MYLK: variants seen among roughly 807,000 people sequenced by gnomAD.
The protein encoded by MYLK is myosin light chain kinase.
Under a neutral mutation model 203.4 loss-of-function variants are expected in MYLK, and 106 were observed. The observed-to-expected ratio is 0.52, with a 90% CI of 0.45 to 0.61. The LOEUF is 0.61. Ranked by LOEUF, MYLK falls within the 20% of genes least tolerant of loss-of-function variation. The probability of loss-of-function intolerance (pLI) is 0.00; values close to 1 mark genes in which losing one functional copy is unlikely to be tolerated. For missense variants in MYLK, 2,072 were observed against 2,442.3 expected, an observed-to-expected ratio of 0.85 and a Z score of 3.20; for synonymous variants, 867 against 959.5, an observed-to-expected ratio of 0.90 and a Z score of 1.78.
chr3:123,651,868 G>A (rs1310541836), intron 24 of MYLK, among the ~76,000 whole-genome samples: 2 of 152,214 alleles, frequency 1.3e-5, no homozygotes, highest in East Asian at 3.8e-4. Context: ...ATGCTCTGGG[G>A]GAAGGACCTA....
In MYLK at chr3:123,732,938, C is replaced by T. The variant is rs143010767; in HGVS notation, c.1474G>A (p.Ala492Thr). Residue 492 changes from alanine to threonine, a missense_variant, in exon 11 of 34, where the codon GCC becomes ACC. Physicochemically the swap from Ala to Thr is moderately conservative, Grantham distance 58. Transcript: ENST00000360304. ...CAGCTACAGGACAGCTGGCCTTGGG[C>T]GTTGGAAGCAGTGCAGCTGTATGTC... ...SGTYSCTASN[A>T]QGQLSCSWTL... 2.2e-4 allele frequency: 348 copies of T among 1,614,044 alleles called. No homozygotes were observed. The highest frequency in any genetic ancestry group is 9.3e-4 in the African/African-American group (70 of 74,916).
intron 24 of MYLK, among the ~76,000 whole-genome samples, chr3:123,656,085 CATCCCAG>C (rs2059380751): frequency 6.6e-6 from 1 of 152,158 alleles, no homozygotes; most frequent in South Asian, 2.1e-4. Flanking sequence ...CCTGGACTGT[CATCCCAG>C]AGGCCCATCT....
At chr3:123,763,054 C>A (rs145481469) in intron 4 of MYLK, among the ~76,000 whole-genome samples, 1,582 of 152,286 alleles carry the variant, frequency 0.01, 21 homozygotes, top group African/African-American at 0.032. Context: ...CATTACACAT[C>A]GACATGACAA....
At chr3:123,718,871 C>T (rs1263170540) in intron 13 of MYLK, among the ~76,000 whole-genome samples, 2 of 152,208 alleles carry the variant, frequency 1.3e-5, no homozygotes, top group Non-Finnish European at 1.5e-5. Flanking sequence ...CTGTCTACTG[C>T]AGTTTCCCCA....
At position 123,815,007 on chromosome 3, in the gene MYLK, G is replaced by A. The variant is rs150246760; in HGVS notation, c.-4+16541C>T. The stretch of plus-strand genomic sequence containing the variant: ...AGGGTTTCACCTTGTTGGTCAGGCT[G>A]GTCTTGAACTCCTGACCTCAGGTGA... On this transcript the variant is annotated intron_variant, in intron 3 of 33. Transcript: ENST00000360304. 9.9e-3 allele frequency among the ~76,000 whole-genome samples: 1,503 copies of A among 152,190 alleles called. 25 individuals carry two copies. The highest frequency in any genetic ancestry group is 0.032 in the African/African-American group (1,326 of 41,516).
chr3:123,632,506 A>C (rs529463102), intron 29 of MYLK, among the ~76,000 whole-genome samples: 2 of 152,306 alleles, frequency 1.3e-5, no homozygotes, highest in African/African-American at 4.8e-5. Context: ...GGGCACAGTC[A>C]GGGAGAGCCT....
intron 24 of MYLK, among the ~76,000 whole-genome samples, chr3:123,652,892 G>C (rs146717009): frequency 2.6e-5 from 4 of 152,254 alleles, no homozygotes; most frequent in African/African-American, 7.2e-5. Flanking sequence ...CTCTGGCATA[G>C]AGAAGCCACT....
chr3:123,675,874 G>A (rs1041668405), intron 20 of MYLK, among the ~76,000 whole-genome samples: 1 of 152,138 alleles, frequency 6.6e-6, no homozygotes, highest in Non-Finnish European at 1.5e-5. Flanking sequence ...TGTATACGCT[G>A]GTCTCATCCA....
At chr3:123,708,227 T>C (rs1282052657) in intron 15 of MYLK, among the ~76,000 whole-genome samples, 1 of 152,146 alleles carries the variant, frequency 6.6e-6, no homozygotes, top group African/African-American at 2.4e-5. Flanking sequence ...GTATATCCAA[T>C]GTAAGGGGAG....
chr3:123,626,954 G>A lies in MYLK; in HGVS notation c.5115-13C>T, dbSNP rs1559981855. ...GTCCAGGCGGTTTCTGACAGAGGCAGAGATCAGGAGATTTTTGAGCAGGAG... is the reference window on the plus strand; with the variant it reads ...GTCCAGGCGGTTTCTGACAGAGGCAAAGATCAGGAGATTTTTGAGCAGGAG... On this transcript the variant is annotated splice_polypyrimidine_tract_variant and intron_variant, in intron 30 of 33. Transcript: ENST00000360304. The A allele has an allele frequency of 6.2e-7, 1 of 1,614,096 alleles. No homozygotes were observed. Among genetic ancestry groups the A allele is most frequent in the Non-Finnish European group, 8.5e-7 (1 of 1,180,000 alleles).
rs574293928 is a variant in MYLK, at chr3:123,610,926, A to T, written c.*3179T>A. 6.6e-6 allele frequency: 1 copy of T among 152,372 alleles called. No homozygotes were observed. Among genetic ancestry groups the T allele is most frequent in the East Asian group, 1.9e-4 (1 of 5,188 alleles). 9.4% of individuals were successfully genotyped at this position (152,372 alleles called of 1,614,324 possible). On this transcript the variant is annotated 3_prime_UTR_variant, in exon 34 of 34. Coordinates refer to ENST00000360304, the MANE Select transcript of MYLK (RefSeq NM_053025.4). ...TGTAGGAAATATCTTTTAATAAGAT[A>T]TGCAATGCAAGGAACAATCAATGGA...
intron 4 of MYLK, among the ~76,000 whole-genome samples, chr3:123,792,999 T>C (rs757828606): frequency 5.3e-5 from 8 of 152,128 alleles, no homozygotes; most frequent in Non-Finnish European, 8.8e-5. Flanking sequence ...TCCGGCATCA[T>C]GCAAAAAGAA....
In MYLK at chr3:123,733,860, G is replaced by A; in HGVS notation, c.1136C>T (p.Pro379Leu). The change falls in exon 10 of 34, where the codon CCA becomes CTA. Residue 379 changes from proline to leucine, a missense_variant. By Grantham distance (98) the Pro-to-Leu change is moderately conservative. This residue lies in a region of MYLK where 683 missense variants were observed against 643.8 expected (regional missense o/e 1.06). Transcript: ENST00000360304. The part of the protein sequence containing the change: ...EERKRPAPPR[P>L]ATFPTRQPGL... ...AGGCTGCCTGGTGGGGAAGGTGGCT[G>A]GACGGGGAGGAGCTGGCCTCTTCCT... The A allele has an allele frequency of 1.2e-6, 2 of 1,614,136 alleles. No homozygotes were observed. Among genetic ancestry groups the A allele is most frequent in the Non-Finnish European group, 8.5e-7 (1 of 1,180,046 alleles).
chr3:123,677,918 T>TATATATATATATATATAA (rs1273803739), intron 20 of MYLK, among the ~76,000 whole-genome samples: 5 of 78,918 alleles, frequency 6.3e-5, no homozygotes, highest in African/African-American at 3.0e-4. Context: ...TATATATATA[T>TATATATATATATATATAA]ACACACACAC....
In MYLK at chr3:123,620,340, G is replaced by A; in HGVS notation, c.5239-4C>T. 4.3e-6 allele frequency: 7 copies of A among 1,614,096 alleles called. No individual in the cohort carries two copies. Among genetic ancestry groups the A allele is most frequent in the Non-Finnish European group, 5.9e-6 (7 of 1,180,012 alleles). On this transcript the variant is annotated splice_region_variant and splice_polypyrimidine_tract_variant and intron_variant, in intron 31 of 33. Transcript: ENST00000360304. The stretch of plus-strand genomic sequence containing the variant: ...CTCTCACAGCATTGCCCGTTTTCTG[G>A]AAAATAGACACGAGGGTTGGACTCA...
At chr3:123,762,414 A>C (rs1227963201) in intron 4 of MYLK, among the ~76,000 whole-genome samples, 4 of 151,768 alleles carry the variant, frequency 2.6e-5, no homozygotes, top group African/African-American at 4.8e-5. Flanking sequence ...TATTTTTGGT[A>C]AAGATGGGGT....
chr3:123,738,406 G>T (rs2062750216), intron 7 of MYLK, among the ~76,000 whole-genome samples: 1 of 152,094 alleles, frequency 6.6e-6, no homozygotes. Context: ...AACATACAGA[G>T]AACCCCTGAG....
At chr3:123,670,731 G>C (rs2059889024) in intron 20 of MYLK, among the ~76,000 whole-genome samples, 2 of 152,144 alleles carry the variant, frequency 1.3e-5, no homozygotes, top group Non-Finnish European at 2.9e-5. Flanking sequence ...GACAGAGAGA[G>C]ACCTTATCTC....
intron 23 of MYLK, among the ~76,000 whole-genome samples, chr3:123,658,290 A>T (rs1293322837): frequency 6.6e-6 from 1 of 152,248 alleles, no homozygotes; most frequent in East Asian, 1.9e-4. Flanking sequence ...GACACAAATA[A>T]GAAGTGGCCC....
Sources: allele counts gnomAD v4.1 joint callset (sites outside exome capture counted in the v4.1 genomes callset), GRCh38; gene constraint gnomAD v4.1.1; regional missense constraint gnomAD v4.1.1; transcripts MANE v1.5; gene names NCBI Gene and HGNC (gene_info 2026-07-23, HGNC 2026-07-21).